DSCAML1: variants seen among roughly 807,000 people sequenced by gnomAD.
DSCAML1 encodes the protein DS cell adhesion molecule like 1.
Under a neutral mutation model 200.5 loss-of-function variants are expected in DSCAML1, and 38 were observed. The observed-to-expected ratio is 0.19, with a 90% confidence interval of 0.15 to 0.25. The LOEUF (loss-of-function observed/expected upper bound fraction) is 0.25. Among genes scored for constraint, DSCAML1 ranks in the 10% least tolerant of loss-of-function variants. The pLI, the probability that DSCAML1 is intolerant of heterozygous loss-of-function variation, is 1.00. For synonymous variants in DSCAML1, 1,215 were observed against 1,165.0 expected (o/e 1.04, Z -0.87); for missense variants, 2,223 against 2,858.8 (o/e 0.78, Z 5.07).
chr11:117,681,865 C>T (rs1286655147), intron 3 of DSCAML1, among the ~76,000 whole-genome samples: 3 of 152,212 alleles, frequency 2.0e-5, no homozygotes, highest in Non-Finnish European at 2.9e-5. Flanking sequence ...GGAGTCTCTT[C>T]CGTTAATACC....
chr11:117,632,843 T>C (rs2052202528), intron 3 of DSCAML1, among the ~76,000 whole-genome samples: 1 of 152,230 alleles, frequency 6.6e-6, no homozygotes, highest in Non-Finnish European at 1.5e-5. Context: ...AAGGGCCCTA[T>C]ATGTATCATT....
intron 16 of DSCAML1, among the ~76,000 whole-genome samples, chr11:117,465,742 TTGAATGAATGAATGAATGAATGAA>T (rs57457586): frequency 1.3e-5 from 2 of 150,356 alleles, no homozygotes; most frequent in African/African-American, 2.5e-5. Flanking sequence ...TCAATACATA[TTGAATGAATGAATGAATGAATGAA>T]TGAATGAATG....
chr11:117,783,355 C>T (rs1448905556), intron 1 of DSCAML1, among the ~76,000 whole-genome samples: 1 of 151,996 alleles, frequency 6.6e-6, no homozygotes, highest in Non-Finnish European at 1.5e-5. Context: ...AGAGAATCCC[C>T]GACAAGGAGG....
intron 3 of DSCAML1, among the ~76,000 whole-genome samples, chr11:117,758,624 G>A (rs1315000029): frequency 1.3e-5 from 2 of 151,890 alleles, no homozygotes; most frequent in Non-Finnish European, 2.9e-5. Context: ...GGATGGTCTC[G>A]ATCTCCTGAC....
At chr11:117,529,168 TC>T (rs1433161996) in intron 4 of DSCAML1, among the ~76,000 whole-genome samples, 1 of 152,094 alleles carries the variant, frequency 6.6e-6, no homozygotes, top group Non-Finnish European at 1.5e-5. Flanking sequence ...AACCTCTGCC[TC>T]CCTGGTTCAA....
intron 3 of DSCAML1, among the ~76,000 whole-genome samples, chr11:117,707,501 C>T (rs1429329153): frequency 1.3e-5 from 2 of 152,122 alleles, no homozygotes; most frequent in South Asian, 2.1e-4. Flanking sequence ...GGAGGCAGAC[C>T]CCTGCTTAAC....
intron 21 of DSCAML1, among the ~76,000 whole-genome samples, chr11:117,441,858 G>A (rs985998487): frequency 6.6e-6 from 1 of 152,158 alleles, no homozygotes; most frequent in Non-Finnish European, 1.5e-5. Context: ...CCATGCGGGG[G>A]CGGTGAGAAG....
chr11:117,790,838 A>G (rs1048082310), intron 1 of DSCAML1, among the ~76,000 whole-genome samples: 3 of 152,256 alleles, frequency 2.0e-5, no homozygotes, highest in Non-Finnish European at 4.4e-5. Flanking sequence ...TTTTAGGTCC[A>G]TGGATAATGT....
chr11:117,513,330 A>G (rs536464858), intron 8 of DSCAML1, among the ~76,000 whole-genome samples: 3 of 152,140 alleles, frequency 2.0e-5, no homozygotes, highest in Non-Finnish European at 4.4e-5. Flanking sequence ...GCCCTTCCAC[A>G]TGGCTCCCTC....
chr11:117,664,255 T>G (rs2052926798), intron 3 of DSCAML1, among the ~76,000 whole-genome samples: 1 of 152,248 alleles, frequency 6.6e-6, no homozygotes, highest in African/African-American at 2.4e-5. Context: ...GGTAGGCAAT[T>G]AGCCAAATCT....
At chr11:117,609,558 C>T (rs763896633) in intron 3 of DSCAML1, among the ~76,000 whole-genome samples, 1 of 152,100 alleles carries the variant, frequency 6.6e-6, no homozygotes. Context: ...CCTCTTGCGT[C>T]GGCCTCCCAA....
At chr11:117,739,672 G>A (rs10790203) in intron 3 of DSCAML1, among the ~76,000 whole-genome samples, 134,518 of 152,166 alleles carry the variant, frequency 0.88, 60,839 homozygotes, top group South Asian at 0.99. Flanking sequence ...TGCACTGTAC[G>A]ACTCAAAGGC....
intron 19 of DSCAML1, 73 bp downstream of exon 19, chr11:117,458,681 C>A (rs990735089): frequency 3.8e-6 from 6 of 1,564,144 alleles, no homozygotes; most frequent in Non-Finnish European, 4.3e-6. Flanking sequence ...TCTCACCCTG[C>A]CTCCTGGGGT....
chr11:117,621,062 G>A (rs747040741), intron 3 of DSCAML1, among the ~76,000 whole-genome samples: 4 of 152,328 alleles, frequency 2.6e-5, no homozygotes, highest in Admixed American at 6.5e-5. Flanking sequence ...TCAGCTAAAT[G>A]GTTTACTGTC....
intron 3 of DSCAML1, chr11:117,709,726 G>A: frequency 2.2e-6 from 1 of 455,012 alleles, no homozygotes; most frequent in Non-Finnish European, 4.4e-6. Flanking sequence ...ATCAGGGGAA[G>A]CCAATAAGGC....
At chr11:117,696,737 C>T (rs183472314) in intron 3 of DSCAML1, among the ~76,000 whole-genome samples, 444 of 152,264 alleles carry the variant, frequency 2.9e-3, no homozygotes, top group African/African-American at 0.01. Flanking sequence ...AATTGCTCTC[C>T]CTTCCATTAT....
At chr11:117,558,078 A>G (rs1361584218) in intron 3 of DSCAML1, among the ~76,000 whole-genome samples, 7 of 152,180 alleles carry the variant, frequency 4.6e-5, no homozygotes, top group Admixed American at 4.6e-4. Context: ...GGATCAGAGG[A>G]GAGGGACAAA....
intron 2 of DSCAML1, among the ~76,000 whole-genome samples, chr11:117,777,889 T>A (rs1044770559): frequency 6.6e-6 from 1 of 152,188 alleles, no homozygotes; most frequent in Non-Finnish European, 1.5e-5. Context: ...CCTCGCTTGA[T>A]CCTTCCACCC....
chr11:117,604,862 T>G (rs2051533900), intron 3 of DSCAML1, among the ~76,000 whole-genome samples: 1 of 152,156 alleles, frequency 6.6e-6, no homozygotes, highest in Non-Finnish European at 1.5e-5. Flanking sequence ...CTGTCTGGGA[T>G]CCAGGGCTCC....
Sources: gnomAD v4.1 joint callset for allele counts (sites outside exome capture counted in the v4.1 genomes callset) on GRCh38, gnomAD v4.1.1 for gene constraint, MANE v1.5 for transcripts, NCBI Gene and HGNC (gene_info 2026-07-23, HGNC 2026-07-21) for gene names.